SPIDR: variants seen among roughly 807,000 people sequenced by gnomAD.
The protein encoded by SPIDR is DNA repair-scaffolding protein.
SPIDR carries 93 observed loss-of-function variants against 104.6 expected under a neutral mutation model. The observed-to-expected ratio is 0.89, with a 90% CI of 0.75 to 1.06. The LOEUF is 1.06. SPIDR is among the 50% of genes least tolerant of loss of function. The pLI is 0.00. For synonymous variants in SPIDR, 431 were observed against 416.9 expected, an observed-to-expected ratio of 1.03 and a Z score of -0.41; for missense variants, 1,154 against 1,111.2, an observed-to-expected ratio of 1.04 and a Z score of -0.55.
At chr8:47,482,858 CAG>C (rs1554728121) in intron 8 of SPIDR, among the ~76,000 whole-genome samples, 1 of 151,862 alleles carries the variant, frequency 6.6e-6, no homozygotes, top group African/African-American at 2.4e-5. Flanking sequence ...TTGTTTGAGA[CAG>C]AGTCTCGCAC....
At chr8:47,393,451 T>C (rs1417839339) in intron 5 of SPIDR, among the ~76,000 whole-genome samples, 2 of 152,064 alleles carry the variant, frequency 1.3e-5, no homozygotes, top group Non-Finnish European at 2.9e-5. Flanking sequence ...CACATTACCA[T>C]CTGAGGTTGT....
intron 7 of SPIDR, among the ~76,000 whole-genome samples, chr8:47,431,397 A>G (rs1240129941): frequency 3.3e-5 from 5 of 152,198 alleles, no homozygotes; most frequent in Non-Finnish European, 7.4e-5. Context: ...TGTTTGGCTT[A>G]ACTTCGCTTA....
At chr8:47,341,901 C>G (rs199647675) in intron 5 of SPIDR, among the ~76,000 whole-genome samples, 2 of 152,146 alleles carry the variant, frequency 1.3e-5, no homozygotes, top group East Asian at 3.9e-4. Flanking sequence ...CCTCTGCAGT[C>G]CCTGCCAAAA....
chr8:47,501,704 G>A (rs1353094069), intron 8 of SPIDR, among the ~76,000 whole-genome samples: 1 of 152,268 alleles, frequency 6.6e-6, no homozygotes, highest in Non-Finnish European at 1.5e-5. Flanking sequence ...GTGAGAGAGG[G>A]CATCCCTGTC....
intron 8 of SPIDR, among the ~76,000 whole-genome samples, chr8:47,448,113 C>G (rs1193505759): frequency 6.6e-6 from 1 of 152,098 alleles, no homozygotes; most frequent in South Asian, 2.1e-4. Flanking sequence ...GACAGCTTTT[C>G]TTTTTATAGT....
At chr8:47,262,320 C>G (rs138132840) in intron 1 of SPIDR, among the ~76,000 whole-genome samples, 7 of 151,300 alleles carry the variant, frequency 4.6e-5, no homozygotes, top group Non-Finnish European at 7.4e-5. Context: ...TTTCAAGACT[C>G]TTTTTTTTTA....
intron 8 of SPIDR, among the ~76,000 whole-genome samples, chr8:47,551,593 A>G (rs1262991356): frequency 6.6e-6 from 1 of 151,948 alleles, no homozygotes; most frequent in African/African-American, 2.4e-5. Context: ...GATAGTTTGT[A>G]TTTCTGTGGG....
rs550002200 is a variant in SPIDR at position 47,370,613 on chromosome 8, AT to A, written c.526-25753del. Reference sequence around the variant, plus strand: ...AGGTGCGCGCCATCATGTCTGGCTAATTTTTTTTTTATCTTTAATAGAGACA... The same window carrying A: ...AGGTGCGCGCCATCATGTCTGGCTAATTTTTTTTTATCTTTAATAGAGACA... On this transcript the variant is annotated intron_variant, in intron 5 of 19. Coordinates refer to ENST00000297423, the MANE Select transcript of SPIDR (RefSeq NM_001080394.4). Among the ~76,000 whole-genome samples, 14 of 147,406 alleles carry A rather than the reference AT, an allele frequency of 9.5e-5. No homozygotes were observed. The East Asian group carries it at 9.9e-4, about 10-fold the overall frequency.
chr8:47,537,888 A>T (rs1260141749), intron 8 of SPIDR, among the ~76,000 whole-genome samples: 1 of 152,154 alleles, frequency 6.6e-6, no homozygotes, highest in Non-Finnish European at 1.5e-5. Context: ...AAAGAATGAA[A>T]AAACAGGGCC....
chr8:47,401,898 C>T (rs1554663263), intron 6 of SPIDR, among the ~76,000 whole-genome samples: 1 of 152,148 alleles, frequency 6.6e-6, no homozygotes, highest in African/African-American at 2.4e-5. Flanking sequence ...GACTTGTACA[C>T]CCCACTGTCA....
At chr8:47,676,678 T>G (rs1333528488) in intron 11 of SPIDR, among the ~76,000 whole-genome samples, 1 of 152,210 alleles carries the variant, frequency 6.6e-6, no homozygotes, top group African/African-American at 2.4e-5. Context: ...CTTTTCCCAA[T>G]TGGAAGATAG....
intron 5 of SPIDR, among the ~76,000 whole-genome samples, chr8:47,302,452 G>A (rs1474902804): frequency 6.6e-6 from 1 of 152,100 alleles, no homozygotes; most frequent in Non-Finnish European, 1.5e-5. Context: ...ACTCGTCAAA[G>A]TCACTCTCCG....
chr8:47,694,571 C>T (rs559401565), intron 11 of SPIDR, among the ~76,000 whole-genome samples: 13 of 152,254 alleles, frequency 8.5e-5, no homozygotes. Context: ...ACATTGGAGA[C>T]CAGTCTGGGA....
chr8:47,280,978 C>T (rs2037665880), intron 2 of SPIDR, among the ~76,000 whole-genome samples: 1 of 152,108 alleles, frequency 6.6e-6, no homozygotes, highest in African/African-American at 2.4e-5. Context: ...ACTCTGGAGG[C>T]GTACTCTGGA....
chr8:47,625,324 C>T (rs2065882566), intron 10 of SPIDR, among the ~76,000 whole-genome samples: 1 of 152,174 alleles, frequency 6.6e-6, no homozygotes, highest in Non-Finnish European at 1.5e-5. Flanking sequence ...TGAAAACTGG[C>T]ACAAGACAGG....
At chr8:47,683,104 TC>T (rs891714394) in intron 11 of SPIDR, among the ~76,000 whole-genome samples, 5 of 152,222 alleles carry the variant, frequency 3.3e-5, no homozygotes, top group Non-Finnish European at 7.3e-5. Context: ...CATTAACAAT[TC>T]CCAGCATTCC....
intron 5 of SPIDR, among the ~76,000 whole-genome samples, chr8:47,345,923 A>C (rs1008639190): frequency 2.8e-4 from 42 of 152,150 alleles, no homozygotes; most frequent in Admixed American, 1.5e-3. Context: ...GGACAGTTTG[A>C]CTTCCTCTTT....
chr8:47,619,167 G>C (rs2064770552), intron 10 of SPIDR, among the ~76,000 whole-genome samples: 1 of 152,156 alleles, frequency 6.6e-6, no homozygotes, highest in Non-Finnish European at 1.5e-5. Context: ...TAATGATTAA[G>C]TTGGTTTTAG....
intron 8 of SPIDR, among the ~76,000 whole-genome samples, chr8:47,468,237 T>C (rs1298736351): frequency 1.3e-5 from 2 of 152,216 alleles, no homozygotes; most frequent in African/African-American, 4.8e-5. Flanking sequence ...TCCATGCTCA[T>C]TAATAGGAAG....
Sources: allele counts gnomAD v4.1 joint callset (sites outside exome capture counted in the v4.1 genomes callset), GRCh38; gene constraint gnomAD v4.1.1; transcripts MANE v1.5; gene names NCBI Gene and HGNC (gene_info 2026-07-23, HGNC 2026-07-21).